The following TLL1 variants were observed in gnomAD, a reference collection of about 807,000 sequenced individuals.
TLL1 encodes the protein tolloid-like protein 1.
Under a neutral mutation model 128.2 loss-of-function variants are expected in TLL1, and 49 were observed. That is an observed-to-expected ratio of 0.38 (90% CI 0.30 to 0.48). TLL1 has a LOEUF of 0.48. Ranked by LOEUF, TLL1 falls within the 20% of genes least tolerant of loss-of-function variation. The pLI, the probability that TLL1 is intolerant of heterozygous loss-of-function variation, is 0.96. For synonymous variants in TLL1, 454 were observed against 418.8 expected, an observed-to-expected ratio of 1.08 and a Z score of -1.03; for missense variants, 1,123 against 1,242.0, an observed-to-expected ratio of 0.90 and a Z score of 1.44.
chr4:166,044,455 C>T, intron 12 of TLL1: 1 of 1,529,426 alleles, frequency 6.5e-7, no homozygotes, highest in Admixed American at 2.0e-5. Flanking sequence ...TTCTTCAGTA[C>T]TTGTCTCTGT....
intron 1 of TLL1, among the ~76,000 whole-genome samples, chr4:165,956,588 G>T (rs1012714908): frequency 1.3e-5 from 2 of 152,000 alleles, no homozygotes; most frequent in African/African-American, 4.8e-5. Flanking sequence ...GTCTTCCCTT[G>T]TTCCCTAAAA....
At chr4:165,956,764 G>C (rs187812098) in intron 1 of TLL1, among the ~76,000 whole-genome samples, 7 of 152,158 alleles carry the variant, frequency 4.6e-5, no homozygotes, top group South Asian at 2.1e-4. Context: ...GTAAAGATAG[G>C]CATAAGAAAT....
intron 7 of TLL1, among the ~76,000 whole-genome samples, chr4:166,010,741 T>C (rs1242735238): frequency 6.6e-6 from 1 of 151,220 alleles, no homozygotes; most frequent in Non-Finnish European, 1.5e-5. Flanking sequence ...CCATGAAGCT[T>C]TCCCCTTGTG....
chr4:165,978,320 CTTAG>C (rs1206937329), intron 1 of TLL1, among the ~76,000 whole-genome samples: 2 of 151,568 alleles, frequency 1.3e-5, no homozygotes, highest in African/African-American at 4.8e-5. Flanking sequence ...ACATACAATT[CTTAG>C]TTATAAAATT....
chr4:165,994,038 G>T (rs571404468), intron 3 of TLL1, among the ~76,000 whole-genome samples: 95 of 152,240 alleles, frequency 6.2e-4, no homozygotes, highest in Non-Finnish European at 1.1e-3. Context: ...TGTTTTAACT[G>T]TTGGTGAATT....
chr4:166,002,117 C>A (rs1737194158), intron 5 of TLL1, among the ~76,000 whole-genome samples: 1 of 152,116 alleles, frequency 6.6e-6, no homozygotes, highest in Non-Finnish European at 1.5e-5. Context: ...GGAGACGCGG[C>A]ACTGCAGAAT....
intron 19 of TLL1, among the ~76,000 whole-genome samples, chr4:166,096,621 G>T (rs1742035117): frequency 6.6e-6 from 1 of 152,010 alleles, no homozygotes; most frequent in Non-Finnish European, 1.5e-5. Context: ...CACACAAAAG[G>T]CTGCCTGTAC....
intron 1 of TLL1, among the ~76,000 whole-genome samples, chr4:165,900,259 G>A (rs547355848): frequency 6.2e-4 from 94 of 152,168 alleles, no homozygotes; most frequent in African/African-American, 2.0e-3. Context: ...TGTTATGTGT[G>A]AATTTGATCC....
At chr4:166,044,147 G>A (rs564286918) in intron 12 of TLL1, among the ~76,000 whole-genome samples, 1 of 152,272 alleles carries the variant, frequency 6.6e-6, no homozygotes, top group South Asian at 2.1e-4. Flanking sequence ...CCAAGCTGAA[G>A]TGGAGAAGAA....
intron 1 of TLL1, among the ~76,000 whole-genome samples, chr4:165,936,826 G>A (rs111828888): frequency 0.04 from 6,025 of 152,076 alleles, 365 homozygotes; most frequent in African/African-American, 0.13. Context: ...CCAGCTACTC[G>A]GGAGGCTGAA....
At chr4:165,912,117 T>C (rs1376698774) in intron 1 of TLL1, among the ~76,000 whole-genome samples, 5 of 152,208 alleles carry the variant, frequency 3.3e-5, no homozygotes, top group Non-Finnish European at 7.3e-5. Flanking sequence ...CCTCATGATC[T>C]GTCTGCCTCG....
At chr4:165,910,291 AG>A (rs1732469613) in intron 1 of TLL1, among the ~76,000 whole-genome samples, 1 of 152,190 alleles carries the variant, frequency 6.6e-6, no homozygotes, top group Non-Finnish European at 1.5e-5. Context: ...ATGAGCTTAG[AG>A]GGGGCAACAA....
chr4:165,953,604 G>T (rs755516597), intron 1 of TLL1, among the ~76,000 whole-genome samples: 1 of 141,830 alleles, frequency 7.1e-6, no homozygotes, highest in African/African-American at 2.7e-5. Flanking sequence ...ACACCTTCGA[G>T]ATAGGTCATC....
At chr4:166,033,977 T>G (rs1436599535) in intron 9 of TLL1, among the ~76,000 whole-genome samples, 1 of 152,208 alleles carries the variant, frequency 6.6e-6, no homozygotes, top group Non-Finnish European at 1.5e-5. Context: ...ATATTTCTTT[T>G]TAATCACTCA....
intron 1 of TLL1, among the ~76,000 whole-genome samples, chr4:165,933,637 C>T (rs923144838): frequency 5.2e-4 from 79 of 152,254 alleles, no homozygotes; most frequent in Admixed American, 2.2e-3. Context: ...GTCATCTTTG[C>T]CCATGGGAAT....
rs2111172384 is a variant in TLL1, at chr4:166,103,707, A to G, written c.*2831A>G. 6.6e-6 allele frequency: 1 copy of G among 151,872 alleles called. No individual in the cohort carries two copies. The highest frequency in any genetic ancestry group is 6.6e-5 in the Admixed American group (1 of 15,206). 9.4% of individuals were successfully genotyped at this position (151,872 alleles called of 1,614,324 possible). A position where few individuals can be genotyped will look rare whatever the true frequency, so the allele number is the denominator to read the frequency against. ...GTTAAATGAAAGTACAGACAGCTTCATTGTTGTATTGTTAATAATTGTTAC... is the reference window on the plus strand; with the variant it reads ...GTTAAATGAAAGTACAGACAGCTTCGTTGTTGTATTGTTAATAATTGTTAC... On this transcript the variant is annotated 3_prime_UTR_variant, in exon 21 of 21. Coordinates refer to ENST00000061240, the MANE Select transcript of TLL1 (RefSeq NM_012464.5).
chr4:165,937,178 A>G (rs1294988518), intron 1 of TLL1, among the ~76,000 whole-genome samples: 20 of 152,082 alleles, frequency 1.3e-4, no homozygotes, highest in Admixed American at 1.3e-3. Flanking sequence ...CCCTTCATTT[A>G]TCATTTATTA....
intron 1 of TLL1, among the ~76,000 whole-genome samples, chr4:165,949,720 T>G (rs1319192190): frequency 6.6e-6 from 1 of 152,084 alleles, no homozygotes; most frequent in Non-Finnish European, 1.5e-5. Flanking sequence ...CTCATGGTAC[T>G]TATTCACTAC....
chr4:165,882,507 T>G (rs1458708070), intron 1 of TLL1, among the ~76,000 whole-genome samples: 1 of 152,150 alleles, frequency 6.6e-6, no homozygotes. Context: ...TAACTAAACC[T>G]GAATGCAGTG....
Sources: allele counts gnomAD v4.1 joint callset (sites outside exome capture counted in the v4.1 genomes callset), GRCh38; gene constraint gnomAD v4.1.1; transcripts MANE v1.5; gene names NCBI Gene and HGNC (gene_info 2026-07-23, HGNC 2026-07-21).